The following PPM1G variants were observed in gnomAD, a reference collection of about 807,000 sequenced individuals.
PPM1G encodes the protein protein phosphatase, Mg2+/Mn2+ dependent 1G, also known as protein phosphatase 1G.
PPM1G carries 12 observed loss-of-function variants against 59.4 expected under a neutral mutation model. That is an observed-to-expected ratio of 0.20 (90% confidence interval 0.13 to 0.33). PPM1G has a LOEUF of 0.33. PPM1G is among the 10% of genes least tolerant of loss of function. The pLI is 1.00. For missense variants in PPM1G, 392 were observed against 681.3 expected (o/e 0.58, Z 4.73); for synonymous variants, 245 against 251.9 (o/e 0.97, Z 0.26).
chr2:27,396,271 CA>C (rs1366560276), intron 1 of PPM1G, among the ~76,000 whole-genome samples: 1 of 152,026 alleles, frequency 6.6e-6, no homozygotes. Flanking sequence ...GACTCCGTCT[CA>C]AAAAAATTTT....
At chr2:27,394,494 G>A (rs1315600228) in intron 1 of PPM1G, among the ~76,000 whole-genome samples, 3 of 151,860 alleles carry the variant, frequency 2.0e-5, no homozygotes, top group African/African-American at 7.2e-5. Flanking sequence ...ACTTTGGGAG[G>A]CCGAGGCAGG....
chr2:27,394,740 T>TC (rs1684003684), intron 1 of PPM1G, among the ~76,000 whole-genome samples: 1 of 99,748 alleles, frequency 1.0e-5, no homozygotes, highest in Non-Finnish European at 1.9e-5. Flanking sequence ...AGACTCTGTC[T>TC]TAAAAAAAAA....
chr2:27,402,169 G>A (rs1312613817), intron 1 of PPM1G, among the ~76,000 whole-genome samples: 1 of 152,094 alleles, frequency 6.6e-6, no homozygotes, highest in African/African-American at 2.4e-5. Context: ...ACTAGATCTA[G>A]AAAGAAACAA....
chr2:27,386,988 G>T, intron 2 of PPM1G, 101 bp downstream of exon 2: 1 of 906,710 alleles, frequency 1.1e-6, no homozygotes, highest in Non-Finnish European at 1.8e-6. Flanking sequence ...GATAATGAGG[G>T]CCAGACCCTG....
intron 1 of PPM1G, among the ~76,000 whole-genome samples, chr2:27,395,878 TA>T (rs373761428): frequency 2.6e-4 from 39 of 148,210 alleles, no homozygotes; most frequent in African/African-American, 8.2e-4. Flanking sequence ...AAGAAACCAT[TA>T]AAAAAAAACA....
intron 1 of PPM1G, among the ~76,000 whole-genome samples, chr2:27,404,944 G>A (rs1219963734): frequency 1.9e-4 from 27 of 140,534 alleles, no homozygotes; most frequent in African/African-American, 6.1e-4. Flanking sequence ...ACTCCGTCTC[G>A]GAGAAAAAAA....
Position 27,382,196 on chromosome 2 carries a change from A to T in PPM1G, c.1364T>A (p.Phe455Tyr). 1 of 1,614,236 alleles carries T rather than the reference A, an allele frequency of 6.2e-7. No homozygotes were observed. Among genetic ancestry groups the T allele is most frequent in the Non-Finnish European group, 8.5e-7 (1 of 1,180,048 alleles). Residue 455 changes from phenylalanine to tyrosine, a missense_variant, in exon 9 of 10, where the codon TTC becomes TAC. Phe to Tyr is a conservative substitution (Grantham distance 22). Transcript: ENST00000344034. The surrounding 1 kb of genome is among the most constrained non-coding windows in gnomAD (Gnocchi z 4.2). ...ACGCTGGCTGATCTTTGATTGAATG[A>T]AATCTACAACTTCCTGGCTGCTCAT... Reference protein sequence around the residue: ...NVMSSQEVVDFIQSKISQRDE... With the variant: ...NVMSSQEVVDYIQSKISQRDE...
chr2:27,393,644 G>A (rs1244221628), intron 1 of PPM1G, among the ~76,000 whole-genome samples: 1 of 152,172 alleles, frequency 6.6e-6, no homozygotes, highest in Non-Finnish European at 1.5e-5. Context: ...GAGTGCAGTG[G>A]CGCAATCTTG....
intron 1 of PPM1G, chr2:27,392,904 C>T (rs2148422535): frequency 7.0e-7 from 1 of 1,429,398 alleles, no homozygotes; most frequent in Non-Finnish European, 9.7e-7. Context: ...CTTTGATGGC[C>T]TTCACTTGTT....
chr2:27,405,681 C>T (rs1387687979), intron 1 of PPM1G, among the ~76,000 whole-genome samples: 1 of 151,968 alleles, frequency 6.6e-6, no homozygotes, highest in East Asian at 2.0e-4. Context: ...GGCGTTAAGC[C>T]ACCACGACTG....
intron 1 of PPM1G, 113 bp from the exon 2 acceptor site, chr2:27,387,271 G>A: frequency 4.1e-6 from 3 of 731,332 alleles, no homozygotes; most frequent in South Asian, 3.3e-5. Flanking sequence ...ATATGGCCTA[G>A]AAATAAGAAA....
intron 1 of PPM1G, among the ~76,000 whole-genome samples, chr2:27,404,639 C>T (rs1168434640): frequency 6.6e-6 from 1 of 151,384 alleles, no homozygotes; most frequent in Admixed American, 6.6e-5. Flanking sequence ...TACTCTTGTC[C>T]CCTTAAGACT....
intron 1 of PPM1G, chr2:27,393,398 G>A: frequency 7.2e-7 from 1 of 1,381,018 alleles, no homozygotes. Context: ...GGCGGCAGCG[G>A]CAGTGGTGGC....
At chr2:27,396,802 C>T (rs1312712874) in intron 1 of PPM1G, among the ~76,000 whole-genome samples, 24 of 144,162 alleles carry the variant, frequency 1.7e-4, no homozygotes, top group Admixed American at 1.6e-3. Context: ...GGTGACAGAG[C>T]AAGACTCCGT....
intron 1 of PPM1G, among the ~76,000 whole-genome samples, chr2:27,405,219 G>A (rs560238105): frequency 1.3e-4 from 20 of 151,446 alleles, no homozygotes; most frequent in East Asian, 8.0e-4. Flanking sequence ...GACTACAGGC[G>A]TGCGCCACCA....
chr2:27,407,195 A>G (rs1441905196), intron 1 of PPM1G, among the ~76,000 whole-genome samples: 2 of 151,976 alleles, frequency 1.3e-5, no homozygotes, highest in African/African-American at 4.8e-5. Context: ...CGAACTCCTA[A>G]GCTCAGGCAA....
In PPM1G at chr2:27,383,924, A is replaced by G; in HGVS notation, c.966+28T>C. 1 of 1,551,288 alleles carries G rather than the reference A, an allele frequency of 6.4e-7. No homozygotes were observed. The highest frequency in any genetic ancestry group is 1.4e-5 in the African/African-American group (1 of 73,154). ...TTCACACCTGCCTTGTGGCTTTTCAAGACTCATTGCTCCCCTTCCCCACAC... is the reference window on the plus strand; with the variant it reads ...TTCACACCTGCCTTGTGGCTTTTCAGGACTCATTGCTCCCCTTCCCCACAC... On this transcript the variant is annotated intron_variant, in intron 6 of 9. Coordinates refer to ENST00000344034, the MANE Select transcript of PPM1G (RefSeq NM_177983.3). The surrounding 1 kb of genome is among the most constrained non-coding windows in gnomAD (Gnocchi z 5.0).
Position 27,409,292 on chromosome 2 carries a change from T to C in PPM1G, c.120+11A>G. ...CCGCAGCGGCCAGCCTATGGGCCCC[T>C]GCCTCCTCACCTCCATGGAGACGCG... On this transcript the variant is annotated intron_variant, in intron 1 of 9. Transcript: ENST00000344034. 1 of 1,553,658 alleles carries C rather than the reference T, an allele frequency of 6.4e-7. No homozygotes were observed. The highest frequency in any genetic ancestry group is 1.4e-5 in the African/African-American group (1 of 71,996).
chr2:27,386,587 C>T, intron 2 of PPM1G: 1 of 206,610 alleles, frequency 4.8e-6, no homozygotes, highest in Non-Finnish European at 1.0e-5. Context: ...AAGAGTCTTG[C>T]TCTGTTGCCC....
Sources: gnomAD v4.1 joint callset for allele counts (sites outside exome capture counted in the v4.1 genomes callset) on GRCh38, gnomAD v4.1.1 for gene constraint, Gnocchi (gnomAD v3.1) non-coding constraint, MANE v1.5 for transcripts, NCBI Gene and HGNC (gene_info 2026-07-23, HGNC 2026-07-21) for gene names.